Variants in VAC14 observed in about 807,000 individuals in gnomAD.
VAC14 encodes the protein protein VAC14 homolog.
VAC14 carries 47 observed loss-of-function variants against 85.3 expected under a neutral mutation model. That is an observed-to-expected ratio of 0.55 (90% CI 0.44 to 0.70). VAC14 has a LOEUF of 0.70. Ranked by LOEUF, VAC14 falls within the 30% of genes least tolerant of loss-of-function variation. The pLI is 0.00. For missense variants in VAC14, 861 were observed against 1,004.3 expected (o/e 0.86, Z 1.93); for synonymous variants, 447 against 430.5 (o/e 1.04, Z -0.47).
At chr16:70,689,643 CAT>C in intron 18 of VAC14, 1 of 985,716 alleles carries the variant, frequency 1.0e-6, no homozygotes, top group South Asian at 4.7e-5. Context: ...ACATCTTGGA[CAT>C]GTCTACGGCT....
At chr16:70,746,383 T>A (rs1018467897) in intron 12 of VAC14, among the ~76,000 whole-genome samples, 2 of 152,182 alleles carry the variant, frequency 1.3e-5, no homozygotes, top group Non-Finnish European at 2.9e-5. Flanking sequence ...GAGACTGGGA[T>A]GTCTGTGGGC....
intron 13 of VAC14, among the ~76,000 whole-genome samples, chr16:70,743,056 T>C (rs1038871780): frequency 1.3e-5 from 2 of 151,698 alleles, no homozygotes; most frequent in Non-Finnish European, 2.9e-5. Context: ...ACTGTGTGTC[T>C]AAAGGATTGT....
chr16:70,687,990 G>C lies in VAC14; in HGVS notation c.2287C>G (p.Leu763Val), dbSNP rs559181391. The C allele has an allele frequency of 6.2e-7, 1 of 1,602,264 alleles. No individual in the cohort carries two copies. Among genetic ancestry groups the C allele is most frequent in the African/African-American group, 1.3e-5 (1 of 74,596 alleles). ...CCGCTCCGCTGGTGCCGCACTTCCA[G>C]GTGCTTGTTCTGGACCTTCTCAAAG... Reference protein sequence around the residue: ...QHFEKVQNKHLEVRHQRSGRG... With the variant: ...QHFEKVQNKHVEVRHQRSGRG... Residue 763 changes from leucine to valine, a missense_variant, in exon 19 of 19, where the codon CTG becomes GTG. Around this residue, in one of 3 missense-constraint regions of VAC14, gnomAD observed 163 missense variants for 162.2 expected, o/e 1.00. Transcript: ENST00000261776.
chr16:70,773,225 T>A (rs573613965), intron 9 of VAC14: 2 of 152,328 alleles, frequency 1.3e-5, no homozygotes, highest in South Asian at 4.1e-4. Flanking sequence ...ACATGAATTC[T>A]ATCTCAATAA....
intron 10 of VAC14, among the ~76,000 whole-genome samples, chr16:70,767,061 G>A (rs1341101117): frequency 6.6e-6 from 1 of 152,186 alleles, no homozygotes; most frequent in Non-Finnish European, 1.5e-5. Flanking sequence ...AGTCACTCCT[G>A]GGGGCTTCTG....
intron 1 of VAC14, among the ~76,000 whole-genome samples, chr16:70,790,419 C>G (rs1252433182): frequency 6.6e-6 from 1 of 152,156 alleles, no homozygotes; most frequent in Non-Finnish European, 1.5e-5. Context: ...AGCAAGGGAC[C>G]CTGGACACTT....
At chr16:70,735,563 G>A (rs992672658) in intron 13 of VAC14, among the ~76,000 whole-genome samples, 13 of 152,196 alleles carry the variant, frequency 8.5e-5, no homozygotes, top group African/African-American at 2.2e-4. Flanking sequence ...TGGTCCTGCC[G>A]GGGAGATGGC....
chr16:70,778,035 T>G (rs140643648), intron 9 of VAC14, among the ~76,000 whole-genome samples: 1 of 152,180 alleles, frequency 6.6e-6, no homozygotes, highest in East Asian at 1.9e-4. Flanking sequence ...AAATTAGCTC[T>G]TACCATCTCT....
At chr16:70,689,061 G>C (rs888534985) in intron 18 of VAC14, 2 of 985,156 alleles carry the variant, frequency 2.0e-6, no homozygotes, top group African/African-American at 3.5e-5. Context: ...ATGCCAATCG[G>C]CGGGGCCGGG....
intron 14 of VAC14, among the ~76,000 whole-genome samples, chr16:70,712,360 G>T (rs2054053045): frequency 6.6e-6 from 1 of 152,132 alleles, no homozygotes; most frequent in Non-Finnish European, 1.5e-5. Context: ...TCCCCACCAG[G>T]ATCACGCCAC....
chr16:70,735,626 C>T (rs772315756), intron 13 of VAC14, among the ~76,000 whole-genome samples: 1 of 152,236 alleles, frequency 6.6e-6, no homozygotes, highest in Non-Finnish European at 1.5e-5. Flanking sequence ...GTGAATCACT[C>T]TATAAGGGAT....
intron 14 of VAC14, among the ~76,000 whole-genome samples, chr16:70,728,891 G>A (rs1271395502): frequency 6.6e-6 from 1 of 152,204 alleles, no homozygotes. Flanking sequence ...TGTCACTCTT[G>A]TGGGAACATT....
rs376864220 is a variant in VAC14 at position 70,744,598 on chromosome 16, C to A, written c.1372-19G>T. 4.5e-6 allele frequency: 7 copies of A among 1,572,030 alleles called. No homozygotes were observed. In the African/African-American group the frequency reaches 9.5e-5, roughly 21 times the overall value. Reference sequence around the variant, plus strand: ...GGATCACCTGGGGAGAGAAGCGGGGCAGGAGGGATGAGCTCTCCGCTGAGA... The same window carrying A: ...GGATCACCTGGGGAGAGAAGCGGGGAAGGAGGGATGAGCTCTCCGCTGAGA... On this transcript the variant is annotated intron_variant, in intron 12 of 18. Transcript: ENST00000261776.
At chr16:70,742,408 T>G (rs1484863940) in intron 13 of VAC14, among the ~76,000 whole-genome samples, 2 of 145,354 alleles carry the variant, frequency 1.4e-5, no homozygotes, top group African/African-American at 2.5e-5. Context: ...GCCCCCACAC[T>G]CCACCTCTGG....
At chr16:70,750,247 CGAT>C (rs772668323) in intron 12 of VAC14, among the ~76,000 whole-genome samples, 2 of 152,096 alleles carry the variant, frequency 1.3e-5, no homozygotes, top group Non-Finnish European at 1.5e-5. Flanking sequence ...CTGGCTCTGA[CGAT>C]GAGAAAAGGC....
chr16:70,790,720 C>T (rs920646446), intron 1 of VAC14, among the ~76,000 whole-genome samples: 2 of 152,208 alleles, frequency 1.3e-5, no homozygotes, highest in Middle Eastern at 3.4e-3. Flanking sequence ...TGGCACCAGC[C>T]GGAAGGCCTC....
In VAC14 at chr16:70,739,646, C is replaced by T. The variant is rs1463720062; in HGVS notation, c.1528+4777G>A. ...GGCCTCTCAGAGCTGCTGTGAGGACCCCAGGGGCTCACCCAAAAAGCCAGC... is the reference window on the plus strand; with the variant it reads ...GGCCTCTCAGAGCTGCTGTGAGGACTCCAGGGGCTCACCCAAAAAGCCAGC... On this transcript the variant is annotated intron_variant, in intron 13 of 18. Coordinates refer to ENST00000261776, the MANE Select transcript of VAC14 (RefSeq NM_018052.5). Among the ~76,000 whole-genome samples, 5 of 152,236 alleles carry T rather than the reference C, an allele frequency of 3.3e-5. No individual in the cohort carries two copies. In the East Asian group the frequency reaches 7.7e-4, roughly 24 times the overall value.
intron 13 of VAC14, among the ~76,000 whole-genome samples, chr16:70,739,935 G>T (rs1398424473): frequency 2.6e-5 from 4 of 152,196 alleles, no homozygotes; most frequent in South Asian, 2.1e-4. Context: ...ACTGAGCCCC[G>T]CAAGGTATAC....
chr16:70,762,666 G>C lies in VAC14; in HGVS notation c.1306-61C>G. 1 of 1,576,756 alleles carries C rather than the reference G, an allele frequency of 6.3e-7. No homozygotes were observed. The highest frequency in any genetic ancestry group is 1.1e-5 in the South Asian group (1 of 89,130). On this transcript the variant is annotated intron_variant, in intron 11 of 18. Coordinates refer to ENST00000261776, the MANE Select transcript of VAC14 (RefSeq NM_018052.5). The surrounding 1 kb of genome is among the most constrained non-coding windows in gnomAD (Gnocchi z 4.1). ...TCCCTTCGCCCCGGGACTACGTGCA[G>C]TGCAGTGTCCCGCTGGTGTGCACGG...
Sources: allele counts gnomAD v4.1 joint callset (sites outside exome capture counted in the v4.1 genomes callset), GRCh38; gene constraint gnomAD v4.1.1; regional missense constraint gnomAD v4.1.1; non-coding constraint Gnocchi (gnomAD v3.1); transcripts MANE v1.5; gene names NCBI Gene and HGNC (gene_info 2026-07-23, HGNC 2026-07-21).